SLC35F4: variants seen among roughly 807,000 people sequenced by gnomAD.
The protein encoded by SLC35F4 is chromosome 14 open reading frame 36.
Under a neutral mutation model 44.2 loss-of-function variants are expected in SLC35F4, and 24 were observed. That is an observed-to-expected ratio of 0.54 (90% confidence interval 0.39 to 0.76). SLC35F4 has a LOEUF of 0.76. SLC35F4 is among the 30% of genes least tolerant of loss of function. The probability of loss-of-function intolerance (pLI) is 0.00; values close to 1 mark genes in which losing one functional copy is unlikely to be tolerated. For missense variants in SLC35F4, 562 were observed against 586.1 expected, an observed-to-expected ratio of 0.96 and a Z score of 0.42; for synonymous variants, 238 against 223.6, an observed-to-expected ratio of 1.06 and a Z score of -0.57.
chr14:57,626,645 C>T (rs531787895), intron 1 of SLC35F4, among the ~76,000 whole-genome samples: 75 of 152,148 alleles, frequency 4.9e-4, no homozygotes, highest in African/African-American at 1.6e-3. Context: ...CTCGATAGCA[C>T]GCAGTAATTG....
At chr14:57,591,644 T>C (rs1271670969) in intron 2 of SLC35F4, among the ~76,000 whole-genome samples, 3 of 152,236 alleles carry the variant, frequency 2.0e-5, no homozygotes, top group African/African-American at 7.2e-5. Context: ...CTAAACTTTA[T>C]TCTGAGCACC....
At chr14:57,597,788 A>G (rs530274705) in intron 1 of SLC35F4, among the ~76,000 whole-genome samples, 1 of 152,290 alleles carries the variant, frequency 6.6e-6, no homozygotes, top group African/African-American at 2.4e-5. Context: ...CAATATTAAG[A>G]CGATCAGCTC....
chr14:57,640,240 A>G (rs75337144), intron 1 of SLC35F4, among the ~76,000 whole-genome samples: 4,202 of 152,110 alleles, frequency 0.028, 85 homozygotes, highest in South Asian at 0.075. Context: ...TATTTCCAAC[A>G]TACTGGCAAC....
At chr14:57,643,618 A>C (rs576586596) in intron 1 of SLC35F4, among the ~76,000 whole-genome samples, 4 of 151,978 alleles carry the variant, frequency 2.6e-5, no homozygotes, top group African/African-American at 7.2e-5. Flanking sequence ...ATTTTTTTTA[A>C]ATTTTATTAT....
chr14:57,656,394 CA>C (rs2073974922), intron 1 of SLC35F4, among the ~76,000 whole-genome samples: 1 of 149,656 alleles, frequency 6.7e-6, no homozygotes, highest in Non-Finnish European at 1.5e-5. Flanking sequence ...CACACACACA[CA>C]CACACACACA....
intron 1 of SLC35F4, among the ~76,000 whole-genome samples, chr14:57,690,137 C>A (rs2075186492): frequency 6.6e-6 from 1 of 152,172 alleles, no homozygotes; most frequent in Non-Finnish European, 1.5e-5. Context: ...ACCAAGTCAG[C>A]ATCTCATGGA....
chr14:57,708,774 G>A (rs1046449644), intron 1 of SLC35F4, among the ~76,000 whole-genome samples: 11 of 152,218 alleles, frequency 7.2e-5, no homozygotes, highest in South Asian at 2.1e-4. Flanking sequence ...GCCATGCTGC[G>A]CTGATATTTA....
At chr14:57,573,494 G>A (rs892810120) in intron 4 of SLC35F4, among the ~76,000 whole-genome samples, 10 of 152,096 alleles carry the variant, frequency 6.6e-5, no homozygotes, top group Admixed American at 2.0e-4. Flanking sequence ...ATAAGGAATA[G>A]AATTTAAGAA....
At position 57,664,233 on chromosome 14, in the gene SLC35F4, C is replaced by A. The variant is rs2074233941; in HGVS notation, c.104-70109G>T. ...GATGTTCAGCAACTACATTACTTGT[C>A]ACTTCAAAATTGCTCAAGAATGACT... On this transcript the variant is annotated intron_variant, in intron 1 of 7. Transcript: ENST00000556826. Among the ~76,000 whole-genome samples, 3 of 152,232 alleles carry A rather than the reference C, an allele frequency of 2.0e-5. No individual in the cohort carries two copies. The South Asian group carries it at 6.2e-4, about 32-fold the overall frequency.
In SLC35F4 at chr14:57,952,329, A is replaced by T. The variant is rs1230998634; in HGVS notation, n.282+29584T>A. ...AGGTAGATAAATCCACGAAGATGGA[A>T]AAAAACAGCACAAAAAGGCTGAAAA... On this transcript the variant is annotated intron_variant and non_coding_transcript_variant, in intron 1 of 1. Transcript: ENST00000556568. Among the ~76,000 whole-genome samples the T allele has an allele frequency of 2.6e-5, 4 of 152,186 alleles. No individual in the cohort carries two copies. The South Asian group carries it at 6.2e-4, about 24-fold the overall frequency.
rs146650826 is a variant in SLC35F4 at position 57,592,752 on chromosome 14, C to T, written c.289+1187G>A. The stretch of plus-strand genomic sequence containing the variant: ...CCTAGACGAAGCTTTCACATCTCCT[C>T]TCTTCCTCTGTTTACCCTTCCCCCA... On this transcript the variant is annotated intron_variant, in intron 2 of 7. Transcript: ENST00000556826. Among the ~76,000 whole-genome samples the T allele has an allele frequency of 3.9e-3, 598 of 152,270 alleles. 3 individuals carry two copies. Among genetic ancestry groups the T allele is most frequent in the African/African-American group, 0.013 (560 of 41,564 alleles).
chr14:57,979,177 G>A (rs1026152426), intron 1 of SLC35F4, among the ~76,000 whole-genome samples: 2 of 152,108 alleles, frequency 1.3e-5, no homozygotes, highest in Non-Finnish European at 2.9e-5. Context: ...AATAAAGATT[G>A]GGTCACAGCA....
intron 1 of SLC35F4, among the ~76,000 whole-genome samples, chr14:57,943,904 T>A (rs567923531): frequency 6.6e-6 from 1 of 152,198 alleles, no homozygotes; most frequent in Non-Finnish European, 1.5e-5. Flanking sequence ...GGCTGAAGAC[T>A]GAACAGTTTC....
At chr14:57,812,879 T>A (rs1360729792) in intron 1 of SLC35F4, among the ~76,000 whole-genome samples, 1 of 152,184 alleles carries the variant, frequency 6.6e-6, no homozygotes, top group African/African-American at 2.4e-5. Context: ...TTAGATGTCC[T>A]GAGACCACAG....
intron 1 of SLC35F4, among the ~76,000 whole-genome samples, chr14:57,743,320 G>A (rs920898129): frequency 1.5e-4 from 23 of 152,040 alleles, no homozygotes; most frequent in East Asian, 1.4e-3. Context: ...AAATTGATAG[G>A]CCGCTAGCAA....
At chr14:57,956,314 G>A (rs770938596) in intron 1 of SLC35F4, among the ~76,000 whole-genome samples, 3 of 152,132 alleles carry the variant, frequency 2.0e-5, no homozygotes, top group Admixed American at 6.5e-5. Context: ...AGACTTAAAC[G>A]TAAGACCTAA....
At chr14:57,638,783 C>G (rs536918536) in intron 1 of SLC35F4, among the ~76,000 whole-genome samples, 62 of 152,174 alleles carry the variant, frequency 4.1e-4, no homozygotes, top group African/African-American at 1.3e-3. Flanking sequence ...CTCTGGATGA[C>G]AGCCATGATT....
At chr14:57,606,053 C>A (rs772512631) in intron 1 of SLC35F4, among the ~76,000 whole-genome samples, 1 of 152,150 alleles carries the variant, frequency 6.6e-6, no homozygotes, top group Non-Finnish European at 1.5e-5. Flanking sequence ...GTTCTTCAAA[C>A]CTCAGCATCG....
chr14:57,883,058 G>A (rs184194480), intron 1 of SLC35F4, among the ~76,000 whole-genome samples: 336 of 151,308 alleles, frequency 2.2e-3, no homozygotes, highest in African/African-American at 7.8e-3. Flanking sequence ...GGGAGGGGAG[G>A]AGGAGGAGGA....
Sources: gnomAD v4.1 joint callset for allele counts (sites outside exome capture counted in the v4.1 genomes callset) on GRCh38, gnomAD v4.1.1 for gene constraint, MANE v1.5 for transcripts, NCBI Gene and HGNC (gene_info 2026-07-23, HGNC 2026-07-21) for gene names.